CRB1: variants seen among roughly 807,000 people sequenced by gnomAD.
The protein encoded by CRB1 is crumbs cell polarity complex component 1.
In CRB1, 83 loss-of-function variants were observed where a neutral mutation model predicts 120.0. The observed-to-expected ratio is 0.69, with a 90% CI of 0.58 to 0.83. CRB1 has a LOEUF of 0.83. CRB1 is among the 40% of genes least tolerant of loss of function. CRB1 has a pLI of 0.00. For missense variants in CRB1, 1,699 were observed against 1,687.6 expected (o/e 1.01, Z -0.12); for synonymous variants, 625 against 612.5 (o/e 1.02, Z -0.30).
intron 5 of CRB1, among the ~76,000 whole-genome samples, chr1:197,381,258 G>T (rs945473170): frequency 6.6e-6 from 1 of 152,108 alleles, no homozygotes; most frequent in Non-Finnish European, 1.5e-5. Flanking sequence ...GAGAATAAGA[G>T]AATTTTTCAG....
chr1:197,459,809 T>A (rs1026049753), intron 11 of CRB1, among the ~76,000 whole-genome samples: 4 of 152,128 alleles, frequency 2.6e-5, no homozygotes, highest in Non-Finnish European at 5.9e-5. Context: ...AACTGTTTAT[T>A]CTTCCAGAAT....
At position 197,404,441 on chromosome 1, in the gene CRB1, C is replaced by CAG. The variant is rs751315170; in HGVS notation, c.1172-16558_1172-16557insGA. On this transcript the variant is annotated intron_variant, in intron 5 of 11. Coordinates refer to ENST00000367400, the MANE Select transcript of CRB1 (RefSeq NM_201253.3). ...TGGGCGACAGAGCGAGACTCCGTCT[C>CAG]AAAAAAAAAAAAAAAAAAAAAAAAA... 2.7e-3 allele frequency among the ~76,000 whole-genome samples: 161 copies of CAG among 58,724 alleles called. 4 individuals are homozygous for CAG. The highest frequency in any genetic ancestry group is 9.1e-3 in the African/African-American group (156 of 17,076). 38.5% of individuals were successfully genotyped at this position (58,724 alleles called of 152,430 possible). A position where few individuals can be genotyped will look rare whatever the true frequency, so the allele number is the denominator to read the frequency against.
chr1:197,279,133 A>G (rs1655382858), intron 1 of CRB1, among the ~76,000 whole-genome samples: 1 of 151,964 alleles, frequency 6.6e-6, no homozygotes, highest in South Asian at 2.1e-4. Flanking sequence ...CGGTCAACTC[A>G]GATTTGGCAA....
At chr1:197,364,398 C>T (rs2125369170) in intron 5 of CRB1, among the ~76,000 whole-genome samples, 1 of 152,274 alleles carries the variant, frequency 6.6e-6, no homozygotes, top group East Asian at 1.9e-4. Context: ...GATAGTCTCA[C>T]CTTTTAAAAT....
At chr1:197,339,575 A>C (rs934486585) in intron 2 of CRB1, among the ~76,000 whole-genome samples, 3 of 152,188 alleles carry the variant, frequency 2.0e-5, no homozygotes, top group Non-Finnish European at 4.4e-5. Context: ...GATAATGAGA[A>C]AGGCATTCAG....
intron 1 of CRB1, among the ~76,000 whole-genome samples, chr1:197,321,075 T>A (rs1255512584): frequency 1.3e-5 from 2 of 152,176 alleles, no homozygotes; most frequent in Non-Finnish European, 2.9e-5. Flanking sequence ...GCCTCGGAAT[T>A]CATTACGTAA....
At chr1:197,255,965 T>TTATATATATAAA in the CRB1 span, among the ~76,000 whole-genome samples, 2 of 85,336 alleles carry the variant, frequency 2.3e-5, no homozygotes, top group African/African-American at 7.0e-5. Flanking sequence ...ATAGAACATT[T>TTATATATATAAA]TATATATATA....
chr1:197,327,103 A>ACAG (rs749229702), intron 1 of CRB1, among the ~76,000 whole-genome samples: 1 of 96,748 alleles, frequency 1.0e-5, no homozygotes, highest in Admixed American at 1.3e-4. Flanking sequence ...AAAAAAAAAA[A>ACAG]AAAAAAAAAA....
intron 5 of CRB1, among the ~76,000 whole-genome samples, chr1:197,401,773 A>C (rs1490208549): frequency 6.6e-6 from 1 of 152,136 alleles, no homozygotes; most frequent in Non-Finnish European, 1.5e-5. Flanking sequence ...TTTTTAGGCT[A>C]TGCACTTATC....
intron 5 of CRB1, among the ~76,000 whole-genome samples, chr1:197,359,910 C>T (rs569771072): frequency 1.9e-4 from 29 of 152,198 alleles, no homozygotes; most frequent in African/African-American, 6.7e-4. Context: ...AGGAAAATGT[C>T]ACCCCATGTT....
chr1:197,413,668 C>G (rs1663818582), intron 5 of CRB1, among the ~76,000 whole-genome samples: 1 of 152,200 alleles, frequency 6.6e-6, no homozygotes, highest in African/African-American at 2.4e-5. Flanking sequence ...ATAACATTCA[C>G]TAGTGTGACT....
In CRB1 at chr1:197,354,835, CCCGCCCA is replaced by C. The variant is rs1558076312; in HGVS notation, c.989-1993_989-1987del. ...GCCCCCCGCCCCCCCACCCCCCCCCCCCGCCCACCCCCCCCCCCCCGCCCACCCACCC... is the reference window on the plus strand; with the variant it reads ...GCCCCCCGCCCCCCCACCCCCCCCCCCCCCCCCCCCCCCGCCCACCCACCC... On this transcript the variant is annotated intron_variant, in intron 4 of 11. Coordinates refer to ENST00000367400, the MANE Select transcript of CRB1 (RefSeq NM_201253.3). 2.1e-3 allele frequency among the ~76,000 whole-genome samples: 32 copies of C among 15,380 alleles called. 1 individual carries two copies. Among genetic ancestry groups the C allele is most frequent in the African/African-American group, 5.3e-3 (29 of 5,492 alleles). 10.1% of individuals were successfully genotyped at this position (15,380 alleles called of 152,430 possible). A position where few individuals can be genotyped will look rare whatever the true frequency, so the allele number is the denominator to read the frequency against.
At chr1:197,439,883 A>G (rs1361418592) in intron 10 of CRB1, 3 of 152,090 alleles carry the variant, frequency 2.0e-5, no homozygotes, top group Non-Finnish European at 4.4e-5. Context: ...TGCCATTTTT[A>G]CAAAACAGCG....
At chr1:197,359,152 T>C (rs527893836) in intron 5 of CRB1, among the ~76,000 whole-genome samples, 1 of 152,318 alleles carries the variant, frequency 6.6e-6, no homozygotes, top group African/African-American at 2.4e-5. Flanking sequence ...ATAGTTCAGC[T>C]ATCAGACTTG....
intron 2 of CRB1, among the ~76,000 whole-genome samples, chr1:197,342,879 T>A (rs574502230): frequency 2.0e-5 from 3 of 152,290 alleles, no homozygotes; most frequent in Admixed American, 6.5e-5. Context: ...GTCAAAAAAA[T>A]TTATGTTCTT....
chr1:197,442,372 TGAATGAC>T, intron 11 of CRB1, 80 bp downstream of exon 11: 1 of 1,609,906 alleles, frequency 6.2e-7, no homozygotes, highest in Non-Finnish European at 8.5e-7. Flanking sequence ...ATTTTGCGTA[TGAATGAC>T]GAGCCAGTTG....
intron 5 of CRB1, among the ~76,000 whole-genome samples, chr1:197,373,821 G>A (rs566205683): frequency 6.6e-6 from 1 of 152,278 alleles, no homozygotes; most frequent in Admixed American, 6.5e-5. Flanking sequence ...TTGCTAGGTG[G>A]CCTTTATGAC....
chr1:197,344,563 G>A (rs1659662292), intron 3 of CRB1, 87 bp downstream of exon 3: 10 of 1,298,998 alleles, frequency 7.7e-6, no homozygotes, highest in East Asian at 4.6e-5. Context: ...GAGCTCTCAC[G>A]TTCTCGGCTT....
At chr1:197,419,771 G>A (rs1348228681) in intron 5 of CRB1, among the ~76,000 whole-genome samples, 10 of 145,918 alleles carry the variant, frequency 6.9e-5, no homozygotes, top group Admixed American at 1.4e-4. Context: ...TCAGGAGATC[G>A]AGACCATCCT....
Sources: allele counts gnomAD v4.1 joint callset (sites outside exome capture counted in the v4.1 genomes callset), GRCh38; gene constraint gnomAD v4.1.1; transcripts MANE v1.5; gene names NCBI Gene and HGNC (gene_info 2026-07-23, HGNC 2026-07-21).